RALYL: variants seen among roughly 807,000 people sequenced by gnomAD.
The protein encoded by RALYL is RNA-binding Raly-like protein.
A neutral mutation model predicts 35.1 loss-of-function variants in RALYL; 29 were observed. The ratio of observed to expected loss-of-function variants is 0.83; its 90% confidence interval spans 0.61 to 1.13. RALYL has a LOEUF of 1.13. Ranked by LOEUF, RALYL falls within the 50% of genes most tolerant of loss-of-function variation. The pLI is 0.00. For synonymous variants in RALYL, 120 were observed against 127.6 expected, an observed-to-expected ratio of 0.94 and a Z score of 0.40; for missense variants, 359 against 360.4, an observed-to-expected ratio of 1.00 and a Z score of 0.03.
chr8:84,415,313 C>G (rs1392934746), intron 1 of RALYL, among the ~76,000 whole-genome samples: 3 of 151,284 alleles, frequency 2.0e-5, no homozygotes, highest in Admixed American at 2.0e-4. Flanking sequence ...CGGCTCGGCT[C>G]ACTGCAACCT....
At chr8:84,273,753 C>T (rs1423760269) in intron 1 of RALYL, among the ~76,000 whole-genome samples, 1 of 152,106 alleles carries the variant, frequency 6.6e-6, no homozygotes. Context: ...AATTGAAGGG[C>T]AAGAGCCTTT....
intron 2 of RALYL, among the ~76,000 whole-genome samples, chr8:84,669,927 G>A (rs750940982): frequency 4.6e-5 from 7 of 152,034 alleles, no homozygotes; most frequent in East Asian, 3.9e-4. Flanking sequence ...CTACAAGTGC[G>A]CATTTCAACC....
At chr8:84,199,952 C>G (rs1046061262) in intron 1 of RALYL, among the ~76,000 whole-genome samples, 1 of 152,100 alleles carries the variant, frequency 6.6e-6, no homozygotes, top group African/African-American at 2.4e-5. Context: ...AATAGTGTAG[C>G]CTGGGAGTTC....
intron 1 of RALYL, among the ~76,000 whole-genome samples, chr8:84,480,764 A>G (rs1395026622): frequency 6.6e-6 from 1 of 152,154 alleles, no homozygotes; most frequent in Non-Finnish European, 1.5e-5. Context: ...TGACTTTTAT[A>G]TCTGTACAGA....
At chr8:84,815,631 C>T (rs1210237499) in intron 4 of RALYL, among the ~76,000 whole-genome samples, 1 of 151,810 alleles carries the variant, frequency 6.6e-6, no homozygotes, top group Non-Finnish European at 1.5e-5. Context: ...TTTTTTAGAG[C>T]AATTAACATA....
At chr8:84,379,871 AAAG>A (rs1192727371) in intron 1 of RALYL, among the ~76,000 whole-genome samples, 2 of 150,858 alleles carry the variant, frequency 1.3e-5, no homozygotes, top group African/African-American at 4.9e-5. Context: ...CAAAAAAAAA[AAAG>A]AAAAAAACTG....
In RALYL at chr8:84,573,249, C is replaced by G. The variant is rs560707004; in HGVS notation, c.256+43672C>G. On this transcript the variant is annotated intron_variant, in intron 2 of 8. Coordinates refer to ENST00000521268, the MANE Select transcript of RALYL (RefSeq NM_173848.7). ...ATTTCCTTCTAGGGTTCTTTTCTTT[C>G]CATCTGAAAAACACCTTGCAGATCT... 2.9e-4 allele frequency among the ~76,000 whole-genome samples: 44 copies of G among 151,502 alleles called. No individual in the cohort carries two copies. The South Asian group carries it at 4.6e-3, about 16-fold the overall frequency.
chr8:84,273,551 A>G (rs941462860), intron 1 of RALYL, among the ~76,000 whole-genome samples: 2 of 152,248 alleles, frequency 1.3e-5, no homozygotes, highest in Admixed American at 6.5e-5. Context: ...ACACAAGGAC[A>G]TGATACAAGG....
intron 2 of RALYL, among the ~76,000 whole-genome samples, chr8:84,595,562 A>G (rs767686812): frequency 6.6e-6 from 1 of 152,110 alleles, no homozygotes; most frequent in Non-Finnish European, 1.5e-5. Flanking sequence ...TTAGTTTTTA[A>G]AAGTGTGAAT....
chr8:84,499,897 G>A (rs1334571226), intron 1 of RALYL, among the ~76,000 whole-genome samples: 1 of 151,976 alleles, frequency 6.6e-6, no homozygotes, highest in African/African-American at 2.4e-5. Flanking sequence ...TGAGACTGCA[G>A]GTGCATGCCA....
intron 1 of RALYL, among the ~76,000 whole-genome samples, chr8:84,322,195 A>G (rs1291760732): frequency 6.6e-6 from 1 of 152,164 alleles, no homozygotes; most frequent in East Asian, 1.9e-4. Flanking sequence ...TTTATAGAAT[A>G]TAAAACAGCA....
intron 2 of RALYL, among the ~76,000 whole-genome samples, chr8:84,754,847 C>T (rs964383905): frequency 6.6e-6 from 1 of 152,154 alleles, no homozygotes; most frequent in African/African-American, 2.4e-5. Flanking sequence ...CCATTGAGTA[C>T]TTATATGCCA....
intron 2 of RALYL, among the ~76,000 whole-genome samples, chr8:84,711,630 G>GA (rs1436142779): frequency 1.1e-4 from 17 of 152,232 alleles, no homozygotes; most frequent in African/African-American, 3.6e-4. Flanking sequence ...GGCATTGACA[G>GA]GGAAAAACAA....
intron 1 of RALYL, among the ~76,000 whole-genome samples, chr8:84,326,231 G>T (rs1226645627): frequency 6.6e-6 from 1 of 152,142 alleles, no homozygotes; most frequent in Non-Finnish European, 1.5e-5. Flanking sequence ...TAATGTGTAT[G>T]AATTACAATG....
chr8:84,659,527 C>T (rs1564326084), intron 2 of RALYL, among the ~76,000 whole-genome samples: 1 of 152,054 alleles, frequency 6.6e-6, no homozygotes, highest in Non-Finnish European at 1.5e-5. Context: ...TGCTGAGGCC[C>T]GCTCTTCCTT....
chr8:84,691,555 C>T (rs1838052519), intron 2 of RALYL, among the ~76,000 whole-genome samples: 1 of 152,008 alleles, frequency 6.6e-6, no homozygotes, highest in East Asian at 1.9e-4. Context: ...GAGCTAAGCA[C>T]AGCCCCATTT....
At chr8:84,638,968 A>ACG (rs1274809140) in intron 2 of RALYL, among the ~76,000 whole-genome samples, 10 of 62,082 alleles carry the variant, frequency 1.6e-4, no homozygotes, top group Middle Eastern at 7.2e-3. Flanking sequence ...ACACACAGAC[A>ACG]CACACACACA....
At chr8:84,255,829 T>C (rs1294349914) in intron 1 of RALYL, among the ~76,000 whole-genome samples, 1 of 152,154 alleles carries the variant, frequency 6.6e-6, no homozygotes, top group Non-Finnish European at 1.5e-5. Flanking sequence ...ACCAATTATA[T>C]GGAAATGAAT....
intron 2 of RALYL, among the ~76,000 whole-genome samples, chr8:84,655,420 C>T (rs189903395): frequency 6.6e-6 from 1 of 152,042 alleles, no homozygotes; most frequent in East Asian, 1.9e-4. Flanking sequence ...CTGCTGCCTT[C>T]CAGGTTCAAG....
Sources: allele counts gnomAD v4.1 joint callset (sites outside exome capture counted in the v4.1 genomes callset), GRCh38; gene constraint gnomAD v4.1.1; transcripts MANE v1.5; gene names NCBI Gene and HGNC (gene_info 2026-07-23, HGNC 2026-07-21).